Variants in LUZP2 observed in about 807,000 individuals in gnomAD.
LUZP2 encodes the protein leucine zipper protein 2.
Under a neutral mutation model 51.6 loss-of-function variants are expected in LUZP2, and 52 were observed. The observed-to-expected ratio is 1.01, with a 90% CI of 0.81 to 1.27. The LOEUF is 1.27. Ranked by LOEUF, LUZP2 falls within the 50% of genes most tolerant of loss-of-function variation. The pLI, the probability that LUZP2 is intolerant of heterozygous loss-of-function variation, is 0.00. For synonymous variants in LUZP2, 154 were observed against 137.3 expected (o/e 1.12, Z -0.85); for missense variants, 436 against 395.4 (o/e 1.10, Z -0.87).
At chr11:24,960,113 G>A (rs1286007139) in intron 7 of LUZP2, among the ~76,000 whole-genome samples, 1 of 152,126 alleles carries the variant, frequency 6.6e-6, no homozygotes, top group Non-Finnish European at 1.5e-5. Context: ...CTTGATCATG[G>A]TGGATAAGCT....
At chr11:24,879,290 T>C (rs1052285910) in intron 5 of LUZP2, among the ~76,000 whole-genome samples, 9 of 152,182 alleles carry the variant, frequency 5.9e-5, no homozygotes, top group African/African-American at 2.2e-4. Context: ...GGTGTATATG[T>C]ACCACATTTT....
chr11:25,059,592 A>G (rs1026368469), intron 10 of LUZP2, among the ~76,000 whole-genome samples: 5 of 152,318 alleles, frequency 3.3e-5, no homozygotes, highest in African/African-American at 9.6e-5. Flanking sequence ...GTTAGATTAG[A>G]TGGGCTGATT....
intron 5 of LUZP2, chr11:24,786,628 CATTT>C: frequency 4.8e-5 from 3 of 62,978 alleles, no homozygotes; most frequent in Non-Finnish European, 7.4e-5. Context: ...ATAATATATG[CATTT>C]ATATATTATA....
intron 7 of LUZP2, among the ~76,000 whole-genome samples, chr11:24,953,637 T>G (rs1855136994): frequency 6.6e-6 from 1 of 152,006 alleles, no homozygotes; most frequent in African/African-American, 2.4e-5. Flanking sequence ...ATAGAGCACT[T>G]GTAAATACAG....
At chr11:25,036,338 G>A (rs986248152) in intron 9 of LUZP2, among the ~76,000 whole-genome samples, 2 of 151,940 alleles carry the variant, frequency 1.3e-5, no homozygotes, top group African/African-American at 4.8e-5. Flanking sequence ...ATTTCTGATT[G>A]TGCTTATTGC....
At chr11:24,785,098 A>C (rs1305029116) in intron 5 of LUZP2, among the ~76,000 whole-genome samples, 3 of 151,964 alleles carry the variant, frequency 2.0e-5, no homozygotes, top group South Asian at 4.1e-4. Flanking sequence ...ATTTATGCTC[A>C]TTCCTCTTTG....
At chr11:24,763,131 C>A (rs1408028494) in intron 4 of LUZP2, 115 bp from the exon 5 acceptor site, 3 of 571,174 alleles carry the variant, frequency 5.3e-6, no homozygotes. Flanking sequence ...ATTCTTTGTT[C>A]TTTTTCAATA....
intron 7 of LUZP2, among the ~76,000 whole-genome samples, chr11:24,925,000 G>A (rs981917890): frequency 3.3e-5 from 5 of 151,686 alleles, no homozygotes; most frequent in Admixed American, 2.6e-4. Context: ...ATTCTCTCCT[G>A]GCTCAGAAAA....
At chr11:24,883,454 T>A (rs1205224201) in intron 5 of LUZP2, among the ~76,000 whole-genome samples, 1 of 152,006 alleles carries the variant, frequency 6.6e-6, no homozygotes, top group Non-Finnish European at 1.5e-5. Context: ...CCATGGGAAT[T>A]TTCTAATGAT....
At chr11:24,923,192 G>A (rs761759327) in intron 7 of LUZP2, among the ~76,000 whole-genome samples, 1 of 151,836 alleles carries the variant, frequency 6.6e-6, no homozygotes, top group Non-Finnish European at 1.5e-5. Context: ...CCACGATATC[G>A]TATTTTTCCT....
chr11:24,738,240 C>T lies in LUZP2; in HGVS notation c.271C>T (p.Gln91Ter), dbSNP rs868167148. The T allele has an allele frequency of 1.9e-6, 3 of 1,611,316 alleles. No homozygotes were observed. Among genetic ancestry groups the T allele is most frequent in the South Asian group, 1.1e-5 (1 of 90,968 alleles). ...QKQREEMKSL[Q>*]EALQNQLKET... is the part of the protein sequence containing the mutation. Reference sequence around the variant, plus strand: ...AAATAGAGAAGAAATGAAGTCTCTTCAGGAGGCCCTGCAAAATCAGCTTAA... The same window carrying T: ...AAATAGAGAAGAAATGAAGTCTCTTTAGGAGGCCCTGCAAAATCAGCTTAA... The change falls in exon 4 of 12, where the codon CAG becomes TAG. Residue 91 changes from glutamine to a stop codon, truncating the protein, a stop_gained. Coordinates refer to ENST00000336930, the MANE Select transcript of LUZP2 (RefSeq NM_001009909.4). LOFTEE classifies it high-confidence loss of function.
At chr11:24,754,015 CTT>C (rs1299912943) in intron 4 of LUZP2, among the ~76,000 whole-genome samples, 1 of 152,174 alleles carries the variant, frequency 6.6e-6, no homozygotes, top group African/African-American at 2.4e-5. Context: ...TGTATTTAGA[CTT>C]TTGTTTTAAC....
chr11:25,067,198 G>C (rs1266708565), intron 10 of LUZP2, among the ~76,000 whole-genome samples: 1 of 151,932 alleles, frequency 6.6e-6, no homozygotes, highest in African/African-American at 2.4e-5. Context: ...AGAAGTGTTT[G>C]TTCATATCCT....
intron 1 of LUZP2, among the ~76,000 whole-genome samples, chr11:24,523,898 G>T (rs2133807477): frequency 6.6e-6 from 1 of 151,800 alleles, no homozygotes; most frequent in South Asian, 2.1e-4. Context: ...AAAAAATAAG[G>T]ATTTCTTATT....
chr11:24,966,371 C>T (rs1470698423), intron 7 of LUZP2, among the ~76,000 whole-genome samples: 1 of 151,028 alleles, frequency 6.6e-6, no homozygotes, highest in African/African-American at 2.4e-5. Context: ...TTCATTCTCT[C>T]TGTAGTGTCT....
chr11:24,762,683 C>G (rs535497612), intron 4 of LUZP2, among the ~76,000 whole-genome samples: 1 of 152,130 alleles, frequency 6.6e-6, no homozygotes. Flanking sequence ...ACAAAGCACT[C>G]GGGCAGGTAA....
chr11:25,074,021 TA>T (rs1859232580), intron 10 of LUZP2, among the ~76,000 whole-genome samples: 1 of 152,144 alleles, frequency 6.6e-6, no homozygotes, highest in Admixed American at 6.6e-5. Flanking sequence ...AGCTAAAACA[TA>T]AAGCAAAGTC....
In LUZP2 at chr11:25,057,763, A is replaced by G. The variant is rs189302443; in HGVS notation, c.858+7633A>G. ...TGTTTAGCACCGGGAGCACTAGCTC[A>G]ATTTCCTGCCATTACATCTGCTTGC... On this transcript the variant is annotated intron_variant, in intron 10 of 11. Transcript: ENST00000336930. Among the ~76,000 whole-genome samples the G allele has an allele frequency of 1.2e-3, 184 of 152,126 alleles. 1 individual carries two copies. Among genetic ancestry groups the G allele is most frequent in the Non-Finnish European group, 2.0e-3 (139 of 68,018 alleles).
At chr11:24,633,950 GT>G (rs1371423804) in intron 1 of LUZP2, among the ~76,000 whole-genome samples, 1 of 115,746 alleles carries the variant, frequency 8.6e-6, no homozygotes, top group Non-Finnish European at 1.9e-5. Context: ...GTGTGTGTGT[GT>G]GTGTGTGTGT....
Sources: gnomAD v4.1 joint callset for allele counts (sites outside exome capture counted in the v4.1 genomes callset) on GRCh38, gnomAD v4.1.1 for gene constraint, MANE v1.5 for transcripts, NCBI Gene and HGNC (gene_info 2026-07-23, HGNC 2026-07-21) for gene names.